Variants in OPCML observed in about 807,000 individuals in gnomAD.
OPCML encodes the protein opioid-binding protein/cell adhesion molecule.
OPCML carries 13 observed loss-of-function variants against 37.8 expected under a neutral mutation model. The observed-to-expected ratio is 0.34, with a 90% CI of 0.22 to 0.55. The LOEUF is 0.55. OPCML is among the 20% of genes least tolerant of loss of function. The pLI, the probability that OPCML is intolerant of heterozygous loss-of-function variation, is 0.91. For synonymous variants in OPCML, 176 were observed against 168.8 expected (o/e 1.04, Z -0.33); for missense variants, 341 against 435.6 (o/e 0.78, Z 1.93).
intron 4 of OPCML, among the ~76,000 whole-genome samples, chr11:132,491,858 A>G (rs1028836563): frequency 3.3e-5 from 5 of 152,108 alleles, no homozygotes; most frequent in Non-Finnish European, 7.4e-5. Context: ...ATTATGCAGT[A>G]TAAAGGAAAC....
At chr11:133,383,379 G>C (rs1195728113) in intron 1 of OPCML, among the ~76,000 whole-genome samples, 1 of 152,180 alleles carries the variant, frequency 6.6e-6, no homozygotes, top group Non-Finnish European at 1.5e-5. Flanking sequence ...ATGAAAGGTT[G>C]GGTAACTTGC....
intron 1 of OPCML, among the ~76,000 whole-genome samples, chr11:133,240,537 T>C (rs773044160): frequency 6.6e-6 from 1 of 152,150 alleles, no homozygotes; most frequent in African/African-American, 2.4e-5. Context: ...CCACAACAGC[T>C]AGCAGCCGGC....
chr11:132,750,016 G>A (rs1321739009), intron 2 of OPCML, among the ~76,000 whole-genome samples: 2 of 152,070 alleles, frequency 1.3e-5, no homozygotes, highest in South Asian at 4.2e-4. Context: ...CCGAGTAGCT[G>A]GGATTACAGG....
At position 133,211,130 on chromosome 11, in the gene OPCML, G is replaced by A. The variant is rs540305648; in HGVS notation, c.62-268120C>T. Among the ~76,000 whole-genome samples, 134 of 152,240 alleles carry A rather than the reference G, an allele frequency of 8.8e-4. No homozygotes were observed. Among genetic ancestry groups the A allele is most frequent in the African/African-American group, 2.9e-3 (119 of 41,520 alleles). On this transcript the variant is annotated intron_variant, in intron 1 of 7. Transcript: ENST00000524381. This position sits in a 1 kb window ranked among gnomAD's most constrained non-coding sequence, Gnocchi z 4.1. ...CTGCAACTCAGCTTTCTAATCATTC[G>A]TGATTGATGAGCCTGCCAGAAGGAA...
chr11:133,471,841 A>G (rs1387668915), intron 1 of OPCML, among the ~76,000 whole-genome samples: 1 of 152,202 alleles, frequency 6.6e-6, no homozygotes, highest in Non-Finnish European at 1.5e-5. Context: ...GGGAGTAGAG[A>G]AAAGACACTT....
intron 3 of OPCML, among the ~76,000 whole-genome samples, chr11:132,620,551 C>T (rs1939335417): frequency 6.6e-6 from 1 of 152,082 alleles, no homozygotes; most frequent in Admixed American, 6.6e-5. Context: ...AGGAAGCAAC[C>T]CAAGGTGACG....
chr11:132,889,230 C>T (rs995070057), intron 2 of OPCML, among the ~76,000 whole-genome samples: 1 of 152,180 alleles, frequency 6.6e-6, no homozygotes, highest in African/African-American at 2.4e-5. Context: ...GGGAGGAAGT[C>T]GGAATAATGG....
chr11:132,658,289 A>T (rs1224648349), intron 2 of OPCML, among the ~76,000 whole-genome samples: 1 of 152,194 alleles, frequency 6.6e-6, no homozygotes, highest in Non-Finnish European at 1.5e-5. Context: ...GAGAGGAGGG[A>T]CTTGAGTCCA....
At chr11:132,529,007 A>T (rs576074121) in intron 4 of OPCML, 54 bp downstream of exon 4, 1 of 1,114,100 alleles carries the variant, frequency 9.0e-7, no homozygotes, top group African/African-American at 1.5e-5. Flanking sequence ...TGTGCATAAG[A>T]GCCAAGACTT....
chr11:132,608,952 C>A (rs1301177915), intron 3 of OPCML, among the ~76,000 whole-genome samples: 2 of 152,078 alleles, frequency 1.3e-5, no homozygotes, highest in African/African-American at 2.4e-5. Flanking sequence ...ACCACTTTGG[C>A]CTTGGTCCAA....
intron 1 of OPCML, among the ~76,000 whole-genome samples, chr11:132,960,705 T>C (rs927632562): frequency 1.3e-5 from 2 of 152,222 alleles, no homozygotes; most frequent in African/African-American, 4.8e-5. Flanking sequence ...AACACTTTTC[T>C]CTCTCTGTCA....
At position 132,969,392 on chromosome 11, in the gene OPCML, C is replaced by CT. The variant is rs767152301; in HGVS notation, c.62-26383dup. On this transcript the variant is annotated intron_variant, in intron 1 of 7. Transcript: ENST00000524381. ...GTCTTTCAACCTTTTCCCTATGATGCTTATGGGTGTGGATGTTTTCACATT... is the reference window on the plus strand; with the variant it reads ...GTCTTTCAACCTTTTCCCTATGATGCTTTATGGGTGTGGATGTTTTCACATT... Among the ~76,000 whole-genome samples the CT allele has an allele frequency of 4.9e-4, 74 of 152,208 alleles. No homozygotes were observed. In the Middle Eastern group the frequency reaches 0.01, roughly 21 times the overall value.
At chr11:133,250,312 T>C (rs1397352428) in intron 1 of OPCML, among the ~76,000 whole-genome samples, 2 of 152,022 alleles carry the variant, frequency 1.3e-5, no homozygotes, top group Non-Finnish European at 2.9e-5. Context: ...ACAATTCCTA[T>C]AATTCTATAT....
rs549221636 is a variant in OPCML at position 133,208,578 on chromosome 11, T to C, written c.62-265568A>G. On this transcript the variant is annotated intron_variant, in intron 1 of 7. Transcript: ENST00000524381. The surrounding 1 kb of genome is among the most constrained non-coding windows in gnomAD (Gnocchi z 8.9). ...TATCCACATATGTGTATTAGTGAAG[T>C]TGAAGCAGGAAAAGCTGGATTTTGA... Among the ~76,000 whole-genome samples, 2 of 152,332 alleles carry C rather than the reference T, an allele frequency of 1.3e-5. No individual in the cohort carries two copies. The highest frequency in any genetic ancestry group is 6.5e-5 in the Admixed American group (1 of 15,300).
chr11:132,940,894 A>T (rs1945553551), intron 2 of OPCML, among the ~76,000 whole-genome samples: 1 of 152,168 alleles, frequency 6.6e-6, no homozygotes, highest in African/African-American at 2.4e-5. Flanking sequence ...AAAAGAGAAG[A>T]TGACATGAGC....
At chr11:132,805,439 T>G (rs1938946074) in intron 2 of OPCML, among the ~76,000 whole-genome samples, 1 of 152,122 alleles carries the variant, frequency 6.6e-6, no homozygotes, top group African/African-American at 2.4e-5. Flanking sequence ...ACCAACCTAT[T>G]GATCCCAGAA....
chr11:132,619,721 G>A (rs61906405), intron 3 of OPCML, among the ~76,000 whole-genome samples: 13,777 of 150,780 alleles, frequency 0.091, 813 homozygotes, highest in African/African-American at 0.16. Flanking sequence ...GCGTGGTGGC[G>A]GGCGCCTGTA....
At chr11:133,030,960 G>A (rs1431792282) in intron 1 of OPCML, among the ~76,000 whole-genome samples, 1 of 152,076 alleles carries the variant, frequency 6.6e-6, no homozygotes, top group African/African-American at 2.4e-5. Flanking sequence ...AGGGAAAATT[G>A]GGGAAATGTG....
chr11:133,438,640 G>A (rs1160408801), intron 1 of OPCML, among the ~76,000 whole-genome samples: 4 of 152,158 alleles, frequency 2.6e-5, no homozygotes, highest in Admixed American at 2.6e-4. Context: ...GGAGTGATGA[G>A]TATGTCTTTG....
Sources: gnomAD v4.1 joint callset for allele counts (sites outside exome capture counted in the v4.1 genomes callset) on GRCh38, gnomAD v4.1.1 for gene constraint, Gnocchi (gnomAD v3.1) non-coding constraint, MANE v1.5 for transcripts, NCBI Gene and HGNC (gene_info 2026-07-23, HGNC 2026-07-21) for gene names.